Variants in CAST observed in about 807,000 individuals in gnomAD.
CAST encodes calpastatin.
A neutral mutation model predicts 119.6 loss-of-function variants in CAST; 76 were observed. That is an observed-to-expected ratio of 0.64 (90% CI 0.53 to 0.77). The LOEUF is 0.77. Among genes scored for constraint, CAST ranks in the 30% least tolerant of loss-of-function variants. The probability of loss-of-function intolerance (pLI) is 0.00; values close to 1 mark genes in which losing one functional copy is unlikely to be tolerated. For synonymous variants in CAST, 319 were observed against 331.6 expected (o/e 0.96, Z 0.41); for missense variants, 953 against 946.5 (o/e 1.01, Z -0.09).
At chr5:96,177,095 T>G in the CAST span, among the ~76,000 whole-genome samples, 1 of 152,202 alleles carries the variant, frequency 6.6e-6, no homozygotes. Flanking sequence ...AATTTATTAT[T>G]ATGATTATTA....
At chr5:96,567,248 T>C (rs1746483449) in intron 1 of CAST, among the ~76,000 whole-genome samples, 1 of 152,146 alleles carries the variant, frequency 6.6e-6, no homozygotes, top group African/African-American at 2.4e-5. Flanking sequence ...TGCATGGCAC[T>C]CTCCTAGTTA....
the CAST span, among the ~76,000 whole-genome samples, chr5:96,492,140 A>C: frequency 0.011 from 1,604 of 152,368 alleles, 32 homozygotes; most frequent in African/African-American, 0.037. Context: ...GTATGCATGC[A>C]TGCATGCTTA....
At chr5:96,315,452 C>A in the CAST span, among the ~76,000 whole-genome samples, 2 of 152,182 alleles carry the variant, frequency 1.3e-5, no homozygotes, top group African/African-American at 4.8e-5. Flanking sequence ...ATTCCTTAGA[C>A]TGGTCAGTAT....
chr5:96,555,396 C>T (rs556635137), intron 1 of CAST, among the ~76,000 whole-genome samples: 35 of 152,272 alleles, frequency 2.3e-4, no homozygotes, highest in African/African-American at 5.1e-4. Context: ...GTGGGTGCAG[C>T]GCACCCAGCG....
intron 12 of CAST, among the ~76,000 whole-genome samples, chr5:96,740,474 G>A (rs1762442182): frequency 6.6e-6 from 1 of 152,054 alleles, no homozygotes; most frequent in African/African-American, 2.4e-5. Context: ...TTCCTTCTGT[G>A]CTTCTATGCA....
At chr5:96,662,205 A>C, upstream of CAST, 1 of 491,920 alleles carries the variant, frequency 2.0e-6, no homozygotes, top group South Asian at 3.7e-5. Flanking sequence ...ACAGGGCAGG[A>C]GCCCGGGTCC....
At chr5:96,523,356 C>T (rs1225535335), upstream of CAST, among the ~76,000 whole-genome samples, 1 of 152,224 alleles carries the variant, frequency 6.6e-6, no homozygotes, top group Non-Finnish European at 1.5e-5. Flanking sequence ...TCTTAAGAAA[C>T]ATGAGTTTCA....
chr5:96,171,944 A>G, the CAST span, among the ~76,000 whole-genome samples: 2 of 147,600 alleles, frequency 1.4e-5, no homozygotes, highest in Non-Finnish European at 3.0e-5. Flanking sequence ...CCCTGATCCG[A>G]GTCACGGCAC....
chr5:96,487,083 A>C, the CAST span, among the ~76,000 whole-genome samples: 99 of 151,484 alleles, frequency 6.5e-4, 1 homozygote, highest in African/African-American at 1.9e-3. Context: ...GGTTGTTGTA[A>C]AGATTGGAGA....
chr5:95,969,669 G>A, the CAST span, among the ~76,000 whole-genome samples: 1 of 152,104 alleles, frequency 6.6e-6, no homozygotes, highest in Non-Finnish European at 1.5e-5. Flanking sequence ...TTGAGTATGA[G>A]AGGTGAATGA....
chr5:96,712,122 C>T (rs1397515550), intron 3 of CAST, among the ~76,000 whole-genome samples: 1 of 152,154 alleles, frequency 6.6e-6, no homozygotes, highest in Admixed American at 6.6e-5. Flanking sequence ...ATGAATCCTA[C>T]TTTAAAATGT....
At chr5:96,599,972 A>AAAAAAAAAAAAAAAAAG (rs1554070011) in intron 1 of CAST, among the ~76,000 whole-genome samples, 1 of 142,482 alleles carries the variant, frequency 7.0e-6, no homozygotes. Context: ...TAGGCAAAAA[A>AAAAAAAAAAAAAAAAAG]AAAAAAAAAA....
the CAST span, chr5:96,392,697 C>G: frequency 8.4e-6 from 3 of 358,920 alleles, no homozygotes; most frequent in African/African-American, 4.2e-5. Flanking sequence ...GAAATGGGCT[C>G]TAATGCAGTG....
At chr5:96,160,701 A>G in the CAST span, among the ~76,000 whole-genome samples, 1 of 152,192 alleles carries the variant, frequency 6.6e-6, no homozygotes, top group East Asian at 1.9e-4. Flanking sequence ...TTCCCTAAGT[A>G]GTTACAACAT....
intron 1 of CAST, among the ~76,000 whole-genome samples, chr5:96,645,168 T>C (rs1231331623): frequency 6.6e-6 from 1 of 152,166 alleles, no homozygotes; most frequent in Non-Finnish European, 1.5e-5. Context: ...CCCTTGACAG[T>C]TGGAGTACAT....
the CAST span, among the ~76,000 whole-genome samples, chr5:96,258,416 A>G: frequency 6.6e-6 from 1 of 152,348 alleles, no homozygotes; most frequent in Non-Finnish European, 1.5e-5. Flanking sequence ...AATCATAGTC[A>G]TTGATCACAT....
chr5:96,068,336 G>A, the CAST span, among the ~76,000 whole-genome samples: 4 of 152,086 alleles, frequency 2.6e-5, no homozygotes, highest in South Asian at 2.1e-4. Flanking sequence ...GTCTTGTCTA[G>A]GAAAACGGAA....
the CAST span, among the ~76,000 whole-genome samples, chr5:96,249,362 C>G: frequency 5.3e-4 from 80 of 152,148 alleles, no homozygotes; most frequent in Non-Finnish European, 9.9e-4. Context: ...TACTCCCAGT[C>G]ATATAATCTT....
the CAST span, among the ~76,000 whole-genome samples, chr5:96,225,431 A>G: frequency 6.6e-6 from 1 of 152,228 alleles, no homozygotes; most frequent in Admixed American, 6.5e-5. Flanking sequence ...ATAAAACTGT[A>G]TGCAATTTAT....
Sources: gnomAD v4.1 joint callset for allele counts (sites outside exome capture counted in the v4.1 genomes callset) on GRCh38, gnomAD v4.1.1 for gene constraint, MANE v1.5 for transcripts, NCBI Gene and HGNC (gene_info 2026-07-23, HGNC 2026-07-21) for gene names.